The following MYO15A variants were observed in gnomAD, a reference collection of about 807,000 sequenced individuals.
MYO15A encodes unconventional myosin-XV.
Under a neutral mutation model 394.6 loss-of-function variants are expected in MYO15A, and 308 were observed. That is an observed-to-expected ratio of 0.78 (90% CI 0.71 to 0.86). The LOEUF (loss-of-function observed/expected upper bound fraction) is 0.86, where lower values mean the gene tolerates loss of function less well. Ranked by LOEUF, MYO15A falls within the 40% of genes least tolerant of loss-of-function variation. MYO15A has a pLI of 0.00. For missense variants in MYO15A, 4,606 were observed against 4,799.1 expected, an observed-to-expected ratio of 0.96 and a Z score of 1.19; for synonymous variants, 1,957 against 2,003.8, an observed-to-expected ratio of 0.98 and a Z score of 0.62.
In MYO15A at chr17:18,178,844, C is replaced by T. The variant is rs772088818; in HGVS notation, c.10567C>T (p.Pro3523Ser). The T allele has an allele frequency of 5.0e-6, 8 of 1,613,378 alleles. No homozygotes were observed. The East Asian group carries it at 6.7e-5, about 13-fold the overall frequency. Residue 3523 changes from proline to serine, a missense_variant, in exon 66 of 66, where the codon CCC becomes TCC. Pro to Ser is a moderately conservative substitution (Grantham distance 74). Transcript: ENST00000647165. ...TGCCCATGAGAAGCGGCTCACATTG[C>T]CCCCCAGCGAGATCACCCTGCTCTG... ...LSAHEKRLTL[P>S]PSEITLL is the part of the protein sequence containing the mutation.
intron 23 of MYO15A, 74 bp from the exon 24 acceptor site, chr17:18,142,005 C>A: frequency 6.4e-7 from 1 of 1,570,532 alleles, no homozygotes; most frequent in Non-Finnish European, 8.7e-7. Flanking sequence ...TCTCCACGGA[C>A]TTCTAGAGAG....
chr17:18,166,462 C>T lies in MYO15A; in HGVS notation c.9889C>T (p.Leu3297Phe). The part of the protein sequence containing the change: ...GGYMLWFRRV[L>F]WDQPLKFENE... ...CTACATGCTCTGGTTCCGGCGTGTG[C>T]TCTGGGATCAGCCACTCAAGTTCGA... is the stretch of plus-strand genomic sequence containing the variant. Residue 3297 changes from leucine to phenylalanine, a missense_variant, in exon 61 of 66, where the codon CTC becomes TTC. Physicochemically the swap from Leu to Phe is conservative, Grantham distance 22. Coordinates refer to ENST00000647165, the MANE Select transcript of MYO15A (RefSeq NM_016239.4). 6.2e-7 allele frequency: 1 copy of T among 1,614,038 alleles called. No individual in the cohort carries two copies. Among genetic ancestry groups the T allele is most frequent in the Non-Finnish European group, 8.5e-7 (1 of 1,180,022 alleles).
Position 18,132,680 on chromosome 17 carries a change from T to A in MYO15A, c.4320+114T>A. 2.4e-6 allele frequency: 2 copies of A among 844,520 alleles called. No homozygotes were observed. The highest frequency in any genetic ancestry group is 3.9e-6 in the Non-Finnish European group (2 of 512,658). The allele number at this position is 844,520 out of a possible 1,614,324, so 52.3% of individuals were successfully genotyped here. On this transcript the variant is annotated intron_variant, in intron 11 of 65. Transcript: ENST00000647165. The surrounding 1 kb of genome is among the most constrained non-coding windows in gnomAD (Gnocchi z 4.6). The stretch of plus-strand genomic sequence containing the variant: ...GATGGAGTGTGAAGGTGAAGGAGAT[T>A]TGGGGAGGGTGAGTTTGGATTTAAG...
chr17:18,120,306 C>T lies in MYO15A; in HGVS notation c.1506C>T (p.Asp502=). 6.2e-7 allele frequency: 1 copy of T among 1,612,246 alleles called. No individual in the cohort carries two copies. The change falls in exon 2 of 66, where the codon GAC becomes GAT. Residue 502 remains aspartate, a synonymous_variant. Transcript: ENST00000647165. ...AGGTGCCCCTGCCACCCTCTCTGGA[C>T]ATTCCTCTCCCCTTGGGGGATGCGG... ...KLEVPLPPSL[D]IPLPLGDADE...
chr17:18,142,005 C>T, intron 23 of MYO15A, 74 bp from the exon 24 acceptor site: 1 of 1,570,534 alleles, frequency 6.4e-7, no homozygotes, highest in African/African-American at 1.3e-5. Context: ...TCTCCACGGA[C>T]TTCTAGAGAG....
At position 18,150,792 on chromosome 17, in the gene MYO15A, G is replaced by C. The variant is rs771191194; in HGVS notation, c.7395+27G>C. On this transcript the variant is annotated intron_variant, in intron 37 of 65. Transcript: ENST00000647165. The surrounding 1 kb of genome is among the most constrained non-coding windows in gnomAD (Gnocchi z 4.4). ...TGAGTGAGGGAGGGACTGCTGGGGG[G>C]TGGAGAATGGACCTGCCTGGTCACC... 4 of 1,581,986 alleles carry C rather than the reference G, an allele frequency of 2.5e-6. No homozygotes were observed. Among genetic ancestry groups the C allele is most frequent in the South Asian group, 2.3e-5 (2 of 86,990 alleles).
chr17:18,173,042 G>A (rs1567667363), intron 64 of MYO15A, among the ~76,000 whole-genome samples: 1 of 152,170 alleles, frequency 6.6e-6, no homozygotes, highest in Non-Finnish European at 1.5e-5. Context: ...GAGGAAGTGA[G>A]ACAGGGAAGG....
intron 62 of MYO15A, among the ~76,000 whole-genome samples, chr17:18,169,970 CAAAA>C (rs202026399): frequency 6.7e-5 from 4 of 59,766 alleles, no homozygotes; most frequent in East Asian, 4.4e-4. Context: ...GACCCTGTCT[CAAAA>C]AAAAAAAAAA....
chr17:18,157,931 G>GGGGGGGGGCCC, intron 51 of MYO15A, 31 bp downstream of exon 51: 1 of 412,722 alleles, frequency 2.4e-6, no homozygotes, highest in Non-Finnish European at 4.5e-6. Flanking sequence ...GTGGGGCGGG[G>GGGGGGGGGCCC]TAGACCAGGG....
intron 16 of MYO15A, 125 bp downstream of exon 16, chr17:18,137,804 G>A: frequency 8.7e-7 from 1 of 1,146,298 alleles, no homozygotes; most frequent in Non-Finnish European, 1.3e-6. Flanking sequence ...AGAGGGAAAG[G>A]CATTCTAAGC....
In MYO15A at chr17:18,118,893, G is replaced by A; in HGVS notation, c.93G>A (p.Lys31=). ...PEPEKPKRSL[K]GTSRLFMGFR... ...CGGAGAAGCCCAAACGGAGCCTGAA[G>A]GGGACGTCGCGGCTGTTCATGGGCT... Residue 31 remains lysine, a synonymous_variant, in exon 2 of 66, where the codon AAG becomes AAA. Coordinates refer to ENST00000647165, the MANE Select transcript of MYO15A (RefSeq NM_016239.4). 1 of 1,613,904 alleles carries A rather than the reference G, an allele frequency of 6.2e-7. No individual in the cohort carries two copies. Among genetic ancestry groups the A allele is most frequent in the South Asian group, 1.1e-5 (1 of 91,056 alleles).
chr17:18,154,649 G>A (rs2046642694), intron 44 of MYO15A, 31 bp from the exon 45 acceptor site: 1 of 1,610,628 alleles, frequency 6.2e-7, no homozygotes, highest in African/African-American at 1.3e-5. Context: ...GGAGTCCCAT[G>A]TGCTGCCTGC....
chr17:18,145,876 T>A lies in MYO15A; in HGVS notation c.6278T>A (p.Leu2093Gln). ...GAGACTCTGTTCGTGGCCCAGATCC[T>A]GCGCTTCATGGGCGACCCCCACCTG... is the stretch of plus-strand genomic sequence containing the variant. The part of the protein sequence containing the change: ...AEAVSIFKLI[L>Q]RFMGDPHLHG... Residue 2093 changes from leucine (L) to glutamine (Q), a missense_variant, in exon 30 of 66, where the codon CTG becomes CAG. Around this residue, in one of 2 missense-constraint regions of MYO15A, gnomAD observed 2,776 missense variants for 3,109.3 expected, o/e 0.89. Transcript: ENST00000647165. 4 of 1,613,162 alleles carry A rather than the reference T, an allele frequency of 2.5e-6. No homozygotes were observed. Among genetic ancestry groups the A allele is most frequent in the Middle Eastern group, 1.6e-4 (1 of 6,062 alleles).
intron 10 of MYO15A, 140 bp downstream of exon 10, chr17:18,131,671 C>T (rs1267988952): frequency 9.3e-6 from 10 of 1,078,342 alleles, no homozygotes; most frequent in Non-Finnish European, 1.4e-5. Flanking sequence ...CATGTGAGCC[C>T]AGGACCTCCC....
chr17:18,146,140 G>GTCAACAA, intron 30 of MYO15A, 33 bp downstream of exon 30: 1 of 1,604,376 alleles, frequency 6.2e-7, no homozygotes, highest in Non-Finnish European at 8.5e-7. Context: ...TGGGACACGA[G>GTCAACAA]GGACGGTGGC....
In MYO15A at chr17:18,179,723, T is replaced by C. The variant is rs950540627; in HGVS notation, c.*853T>C. 6.6e-6 allele frequency: 1 copy of C among 152,256 alleles called. No individual in the cohort carries two copies. The highest frequency in any genetic ancestry group is 2.4e-5 in the African/African-American group (1 of 41,458). The allele number at this position is 152,256 out of a possible 1,614,324, so 9.4% of individuals were successfully genotyped here. A position where few individuals can be genotyped will look rare whatever the true frequency, so the allele number is the denominator to read the frequency against. ...ATTCCCTGCTGTATCTTCCAGAACC[T>C]AGGAGGATGCCTAACAGAGAGTAAG... is the stretch of plus-strand genomic sequence containing the variant. On this transcript the variant is annotated 3_prime_UTR_variant, in exon 66 of 66. Coordinates refer to ENST00000647165, the MANE Select transcript of MYO15A (RefSeq NM_016239.4).
Position 18,162,694 on chromosome 17 carries a change from G to A in MYO15A, c.9612+15G>A, listed in dbSNP as rs922033700. On this transcript the variant is annotated intron_variant, in intron 58 of 65. Transcript: ENST00000647165. ...GGGCCATGTTGGTGAGCATAGGGTG[G>A]GAGTGGGTTCAAAATGAATGGGAGG... The A allele has an allele frequency of 6.2e-7, 1 of 1,613,180 alleles. No individual in the cohort carries two copies. Among genetic ancestry groups the A allele is most frequent in the African/African-American group, 1.3e-5 (1 of 74,906 alleles).
Position 18,157,249 on chromosome 17 carries a change from G to T in MYO15A, c.8788+19G>T. ...GACTTTGGTGTGTGCCCCAGAACCT[G>T]GAACCCCATACGGGGCGCATCCTAG... On this transcript the variant is annotated intron_variant, in intron 50 of 65. Transcript: ENST00000647165. 1 of 1,592,502 alleles carries T rather than the reference G, an allele frequency of 6.3e-7. No homozygotes were observed. Among genetic ancestry groups the T allele is most frequent in the East Asian group, 2.3e-5 (1 of 43,508 alleles).
At chr17:18,109,075 C>T (rs1344976689) in intron 1 of MYO15A, 1 of 152,282 alleles carries the variant, frequency 6.6e-6, no homozygotes, top group African/African-American at 2.4e-5. Flanking sequence ...TCCTGACTGT[C>T]CTGATGCCTG....
Sources: allele counts gnomAD v4.1 joint callset (sites outside exome capture counted in the v4.1 genomes callset), GRCh38; gene constraint gnomAD v4.1.1; regional missense constraint gnomAD v4.1.1; non-coding constraint Gnocchi (gnomAD v3.1); transcripts MANE v1.5; gene names NCBI Gene and HGNC (gene_info 2026-07-23, HGNC 2026-07-21).